DTHD1: variants seen among roughly 807,000 people sequenced by gnomAD.
The protein encoded by DTHD1 is death domain-containing protein 1.
Under a neutral mutation model 74.8 loss-of-function variants are expected in DTHD1, and 59 were observed. The ratio of observed to expected loss-of-function variants is 0.79; its 90% CI spans 0.64 to 0.98. DTHD1 has a LOEUF of 0.98. DTHD1 is among the 50% of genes least tolerant of loss of function. The pLI, the probability that DTHD1 is intolerant of heterozygous loss-of-function variation, is 0.00. For missense variants in DTHD1, 1,051 were observed against 1,065.4 expected (o/e 0.99, Z 0.19); for synonymous variants, 365 against 371.1 (o/e 0.98, Z 0.19).
At chr4:36,285,571 G>A (rs767299319) in intron 2 of DTHD1, among the ~76,000 whole-genome samples, 1 of 151,424 alleles carries the variant, frequency 6.6e-6, no homozygotes, top group Non-Finnish European at 1.5e-5. Context: ...AGGTAATAAG[G>A]CCCTATTTGT....
intron 8 of DTHD1, among the ~76,000 whole-genome samples, chr4:36,331,668 C>G (rs1758679444): frequency 6.6e-6 from 1 of 152,246 alleles, no homozygotes; most frequent in East Asian, 1.9e-4. Flanking sequence ...CAATAATAAC[C>G]TATTAGAATG....
intron 9 of DTHD1, among the ~76,000 whole-genome samples, chr4:36,339,814 T>C (rs1412157212): frequency 9.9e-5 from 15 of 152,196 alleles, no homozygotes; most frequent in Admixed American, 9.8e-4. Context: ...CCCTTACGGA[T>C]TGGTACAGAA....
intron 8 of DTHD1, among the ~76,000 whole-genome samples, chr4:36,317,499 T>C (rs1757800699): frequency 6.6e-6 from 1 of 152,220 alleles, no homozygotes; most frequent in African/African-American, 2.4e-5. Flanking sequence ...TTTGTTTACA[T>C]AGACTACATG....
At chr4:36,291,688 C>T (rs1352809697) in intron 3 of DTHD1, among the ~76,000 whole-genome samples, 1 of 152,044 alleles carries the variant, frequency 6.6e-6, no homozygotes, top group Non-Finnish European at 1.5e-5. Context: ...ATTAGCTGGG[C>T]CTGGTAGTGC....
chr4:36,290,487 A>C lies in DTHD1; in HGVS notation c.1002A>C (p.Leu334Phe). The change falls in exon 3 of 10, where the codon TTA becomes TTC. Residue 334 changes from leucine to phenylalanine, a missense_variant. By Grantham distance (22) the Leu-to-Phe change is conservative. Transcript: ENST00000639862. ...GGATAATAAATCACATGAGTTCTTT[A>C]ATAGTGGGTGATAATGAAGAGTTAG... ...ECRIINHMSSLIVGDNEELVS... is the reference protein window; with the variant it reads ...ECRIINHMSSFIVGDNEELVS... The C allele has an allele frequency of 6.4e-7, 1 of 1,551,742 alleles. No homozygotes were observed.
intron 4 of DTHD1, among the ~76,000 whole-genome samples, chr4:36,294,296 G>A (rs746012708): frequency 1.3e-5 from 2 of 151,552 alleles, no homozygotes; most frequent in Non-Finnish European, 2.9e-5. Flanking sequence ...TAATGTAAGT[G>A]GTAAGTGAAG....
chr4:36,346,183 C>T lies in DTHD1; in HGVS notation c.*2359C>T, dbSNP rs1759574959. 1.3e-5 allele frequency among the ~76,000 whole-genome samples: 2 copies of T among 151,962 alleles called. No individual in the cohort carries two copies. The highest frequency in any genetic ancestry group is 6.6e-5 in the Admixed American group (1 of 15,236). ...TCACAAATGTCCTCGTTCACATATA[C>T]CCCACCTCCACATTTCATATACGCA... is the stretch of plus-strand genomic sequence containing the variant. On this transcript the variant is annotated 3_prime_UTR_variant, in exon 10 of 10. Transcript: ENST00000639862.
intron 8 of DTHD1, among the ~76,000 whole-genome samples, chr4:36,318,685 G>C (rs968855404): frequency 6.7e-6 from 1 of 148,824 alleles, no homozygotes; most frequent in African/African-American, 2.5e-5. Context: ...CGCGATCTCG[G>C]CTCACTGCAA....
Position 36,308,274 on chromosome 4 carries a change from G to A in DTHD1, c.1876G>A (p.Glu626Lys). Residue 626 changes from glutamate to lysine, a missense_variant, in exon 7 of 10, where the codon GAA (glutamate) becomes AAA (lysine). Physicochemically the swap from Glu to Lys is moderately conservative, Grantham distance 56. Transcript: ENST00000639862. ...GGTTACTTTTGTGAAATCTTTAGAG[G>A]AAGCCATGCTCAGCACCACTGCCTG... Reference protein sequence around the residue: ...HLVTFVKSLEEAMLSTTACIV... With the variant: ...HLVTFVKSLEKAMLSTTACIV... The A allele has an allele frequency of 6.4e-7, 1 of 1,552,092 alleles. No homozygotes were observed. Among genetic ancestry groups the A allele is most frequent in the Non-Finnish European group, 8.7e-7 (1 of 1,147,058 alleles).
At chr4:36,338,093 T>C (rs894641637) in intron 8 of DTHD1, among the ~76,000 whole-genome samples, 4 of 152,238 alleles carry the variant, frequency 2.6e-5, no homozygotes, top group African/African-American at 7.2e-5. Flanking sequence ...AACTATTCTA[T>C]TACCACAAAG....
At chr4:36,284,720 CAG>C in intron 2 of DTHD1, 129 bp downstream of exon 2, 3 of 767,184 alleles carry the variant, frequency 3.9e-6, no homozygotes, top group Non-Finnish European at 5.9e-6. Flanking sequence ...TTTTAAACAA[CAG>C]ATATTTATCT....
At chr4:36,319,489 GCA>G (rs1355305533) in intron 8 of DTHD1, among the ~76,000 whole-genome samples, 1 of 152,194 alleles carries the variant, frequency 6.6e-6, no homozygotes, top group Non-Finnish European at 1.5e-5. Context: ...TGCTCTCCAG[GCA>G]GCTCAGCTGG....
chr4:36,301,711 T>A (rs894493466), intron 5 of DTHD1, among the ~76,000 whole-genome samples: 1 of 152,174 alleles, frequency 6.6e-6, no homozygotes. Context: ...CCTTGGTATA[T>A]GAATCTGATC....
chr4:36,307,434 T>C (rs1342887549), intron 6 of DTHD1, among the ~76,000 whole-genome samples: 2 of 152,174 alleles, frequency 1.3e-5, no homozygotes. Context: ...CCCTCTTTTA[T>C]GACATCAGTC....
chr4:36,322,639 G>A (rs1758103375), intron 8 of DTHD1, among the ~76,000 whole-genome samples: 1 of 152,150 alleles, frequency 6.6e-6, no homozygotes, highest in South Asian at 2.1e-4. Flanking sequence ...GCCACAGAAA[G>A]ATGATGAGGT....
rs542659542 is a variant in DTHD1, at chr4:36,316,427, G to T, written c.2281G>T (p.Val761Leu). The T allele has an allele frequency of 1.3e-6, 2 of 1,551,746 alleles. No individual in the cohort carries two copies. ...KIVPNLNQSL[V>L]INENHSQLPI... Reference sequence around the variant, plus strand: ...AGTCCCCAACTTGAATCAATCTCTCGTAATTAATGAAAACCATTCTCAGTT... The same window carrying T: ...AGTCCCCAACTTGAATCAATCTCTCTTAATTAATGAAAACCATTCTCAGTT... Residue 761 changes from valine to leucine, a missense_variant, in exon 8 of 10, where the codon GTA (valine) becomes TTA (leucine). By Grantham distance (32) the Val-to-Leu change is conservative (BLOSUM62 1). Coordinates refer to ENST00000639862, the MANE Select transcript of DTHD1 (RefSeq NM_001170700.3).
chr4:36,307,924 G>T (rs1263327722), intron 6 of DTHD1, among the ~76,000 whole-genome samples: 1 of 152,086 alleles, frequency 6.6e-6, no homozygotes, highest in East Asian at 1.9e-4. Context: ...TGCCCAGGCT[G>T]GTGTTGAACT....
rs1038541711 is a variant in DTHD1 at position 36,293,799 on chromosome 4, A to G, written c.1398+94A>G. The G allele has an allele frequency of 2.2e-5, 24 of 1,069,184 alleles. No individual in the cohort carries two copies. The African/African-American group carries it at 3.5e-4, about 16-fold the overall frequency. 66.2% of individuals were successfully genotyped at this position (1,069,184 alleles called of 1,614,324 possible). ...AACAAAGAAGGTATCAATATTTAAT[A>G]TAACAAAAAATGGATTATTTTCTTG... On this transcript the variant is annotated intron_variant, in intron 4 of 9. Transcript: ENST00000639862.
chr4:36,337,248 A>AT, intron 8 of DTHD1, among the ~76,000 whole-genome samples: 1 of 152,284 alleles, frequency 6.6e-6, no homozygotes, highest in Middle Eastern at 3.4e-3. Flanking sequence ...AAGGGGCCAC[A>AT]TGGGAGACCA....
Sources: gnomAD v4.1 joint callset for allele counts (sites outside exome capture counted in the v4.1 genomes callset) on GRCh38, gnomAD v4.1.1 for gene constraint, MANE v1.5 for transcripts, NCBI Gene and HGNC (gene_info 2026-07-23, HGNC 2026-07-21) for gene names.